LRRK1: variants seen among roughly 807,000 people sequenced by gnomAD.
The protein encoded by LRRK1 is leucine rich repeat kinase 1.
In LRRK1, 113 loss-of-function variants were observed where a neutral mutation model predicts 209.1. That is an observed-to-expected ratio of 0.54 (90% CI 0.46 to 0.63). The LOEUF is 0.63. Ranked by LOEUF, LRRK1 falls within the 30% of genes least tolerant of loss-of-function variation. The probability of loss-of-function intolerance (pLI) is 0.00; values close to 1 mark genes in which losing one functional copy is unlikely to be tolerated. For missense variants in LRRK1, 2,284 were observed against 2,632.2 expected (o/e 0.87, Z 2.89); for synonymous variants, 1,144 against 1,099.7 (o/e 1.04, Z -0.80).
At chr15:101,031,458 G>C (rs1438294550) in intron 20 of LRRK1, among the ~76,000 whole-genome samples, 2 of 152,210 alleles carry the variant, frequency 1.3e-5, no homozygotes. Context: ...TTCTGTTGCT[G>C]AGTAGTATTC....
chr15:100,954,831 A>G (rs72765034), intron 2 of LRRK1, among the ~76,000 whole-genome samples: 329 of 152,324 alleles, frequency 2.2e-3, no homozygotes, highest in Non-Finnish European at 3.8e-3. Context: ...TGGACTCTCC[A>G]TTCTGTTTCA....
At chr15:101,065,089 C>T (rs1323026357) in intron 31 of LRRK1, 1 of 545,148 alleles carries the variant, frequency 1.8e-6, no homozygotes, top group Non-Finnish European at 3.3e-6. Context: ...GACACGCAGC[C>T]TTACTTGGTG....
At chr15:101,035,039 A>G (rs2034441460) in intron 20 of LRRK1, among the ~76,000 whole-genome samples, 1 of 152,040 alleles carries the variant, frequency 6.6e-6, no homozygotes, top group African/African-American at 2.4e-5. Flanking sequence ...TTGAAGAATC[A>G]ACTTTTCATT....
In LRRK1 at chr15:100,973,886, C is replaced by A. The variant is rs1208429017; in HGVS notation, c.180C>A (p.Ala60=). 1.6e-6 allele frequency: 2 copies of A among 1,277,304 alleles called. No individual in the cohort carries two copies. The highest frequency in any genetic ancestry group is 2.0e-6 in the Non-Finnish European group (2 of 1,006,470). 79.1% of individuals were successfully genotyped at this position (1,277,304 alleles called of 1,614,324 possible). The part of the protein sequence containing the change: ...ARSRRTEGIR[A]AYRRGDRGGA... The stretch of plus-strand genomic sequence containing the variant: ...CCCGCAGGACGGAAGGCATCCGCGC[C>A]GCGTACAGGCGGGGAGACCGCGGCG... The change falls in exon 3 of 34, where the codon GCC becomes GCA. Residue 60 remains alanine (A), a synonymous_variant. Coordinates refer to ENST00000388948, the MANE Select transcript of LRRK1 (RefSeq NM_024652.6).
chr15:101,008,434 G>A (rs1253451713), intron 6 of LRRK1, among the ~76,000 whole-genome samples: 4 of 152,212 alleles, frequency 2.6e-5, no homozygotes. Flanking sequence ...AGAGACTTGG[G>A]TTTGGGAGTC....
chr15:100,970,535 T>A (rs1425440027), intron 2 of LRRK1, among the ~76,000 whole-genome samples: 1 of 152,234 alleles, frequency 6.6e-6, no homozygotes, highest in Non-Finnish European at 1.5e-5. Flanking sequence ...TCTTGATTAC[T>A]ATAGCTTTGT....
At chr15:101,036,433 C>T (rs1452885341) in intron 20 of LRRK1, among the ~76,000 whole-genome samples, 1 of 151,892 alleles carries the variant, frequency 6.6e-6, no homozygotes. Flanking sequence ...TTCTTCAGTC[C>T]CAGAATTTCC....
At chr15:101,015,180 C>T in intron 11 of LRRK1, 146 bp from the exon 12 acceptor site, 1 of 626,496 alleles carries the variant, frequency 1.6e-6, no homozygotes, top group South Asian at 2.0e-5. Flanking sequence ...AAGGCAGCCG[C>T]CACTGCAGCG....
At chr15:100,974,008 G>T in intron 3 of LRRK1, 41 bp downstream of exon 3, 1 of 1,240,348 alleles carries the variant, frequency 8.1e-7, no homozygotes, top group South Asian at 4.0e-5. Flanking sequence ...ATGCAGCCCC[G>T]GGCTGGACGA....
intron 2 of LRRK1, among the ~76,000 whole-genome samples, chr15:100,961,044 A>T (rs535177796): frequency 6.6e-6 from 1 of 152,310 alleles, no homozygotes; most frequent in Non-Finnish European, 1.5e-5. Context: ...TGGGTAATTT[A>T]TAAAGAAAAT....
At chr15:101,006,387 A>G (rs868321265) in intron 6 of LRRK1, among the ~76,000 whole-genome samples, 1 of 138,662 alleles carries the variant, frequency 7.2e-6, no homozygotes, top group Admixed American at 7.0e-5. Context: ...AAAAAAAAAA[A>G]AAAAAGAAAA....
chr15:101,051,961 G>A lies in LRRK1; in HGVS notation c.3689+1G>A, dbSNP rs750297651. ...TGTTCATGACCGACTTCCCGGCCAG[G>A]TATGCCCCGAAGGCCCCTCCCAGAA... On this transcript the variant is annotated splice_donor_variant, in intron 24 of 33. Transcript: ENST00000388948. LOFTEE classifies it high-confidence loss of function. 1.2e-6 allele frequency: 2 copies of A among 1,612,408 alleles called. No homozygotes were observed.
In LRRK1 at chr15:101,058,136, G is replaced by A; in HGVS notation, c.4674G>A (p.Glu1558=). ...YTVVFWDGKE[E]SRNYTVVNTE... ...TGGTGTTTTGGGATGGAAAAGAGGA[G>A]TCCAGGTAAGCTCCTGCGGGCTGCC... is the stretch of plus-strand genomic sequence containing the variant. Residue 1558 remains glutamate, a synonymous_variant, in exon 29 of 34, where the codon GAG becomes GAA. Transcript: ENST00000388948. 6.2e-7 allele frequency: 1 copy of A among 1,614,094 alleles called. No homozygotes were observed. Among genetic ancestry groups the A allele is most frequent in the African/African-American group, 1.3e-5 (1 of 75,052 alleles).
At chr15:100,934,508 G>T (rs1370823788) in intron 2 of LRRK1, among the ~76,000 whole-genome samples, 1 of 151,448 alleles carries the variant, frequency 6.6e-6, no homozygotes, top group African/African-American at 2.4e-5. Flanking sequence ...AAGAACAAGA[G>T]AGCTGAGCAA....
At chr15:101,034,965 G>T (rs1484474452) in intron 20 of LRRK1, among the ~76,000 whole-genome samples, 1 of 151,230 alleles carries the variant, frequency 6.6e-6, no homozygotes, top group Non-Finnish European at 1.5e-5. Flanking sequence ...ACCAATTTTG[G>T]TTATTTGGGT....
chr15:101,008,142 CAAAAAAAAAAAAAAAAA>C (rs796213769), intron 6 of LRRK1, among the ~76,000 whole-genome samples: 37 of 74,158 alleles, frequency 5.0e-4, no homozygotes, highest in East Asian at 3.1e-3. Flanking sequence ...GACTCCATCT[CAAAAAAAAAAAAAAAAA>C]AAAAAAAAAA....
At chr15:101,046,448 G>A (rs1453252872) in intron 21 of LRRK1, among the ~76,000 whole-genome samples, 1 of 152,214 alleles carries the variant, frequency 6.6e-6, no homozygotes, top group East Asian at 1.9e-4. Flanking sequence ...AACACAGTTT[G>A]GTGGCCCCAC....
chr15:100,980,785 A>G (rs1378850167), intron 3 of LRRK1, among the ~76,000 whole-genome samples: 1 of 152,238 alleles, frequency 6.6e-6, no homozygotes, highest in Non-Finnish European at 1.5e-5. Context: ...AGAAGTCAGT[A>G]TAGTGGCTAC....
At chr15:101,008,807 C>T (rs369561618) in intron 6 of LRRK1, 30 bp from the exon 7 acceptor site, 2 of 1,541,948 alleles carry the variant, frequency 1.3e-6, no homozygotes, top group East Asian at 2.2e-5. Flanking sequence ...TCACCCTCCA[C>T]ATGTGCTTTT....
Sources: allele counts gnomAD v4.1 joint callset (sites outside exome capture counted in the v4.1 genomes callset), GRCh38; gene constraint gnomAD v4.1.1; transcripts MANE v1.5; gene names NCBI Gene and HGNC (gene_info 2026-07-23, HGNC 2026-07-21).